The following TMC7 variants were observed in gnomAD, a reference collection of about 807,000 sequenced individuals.
TMC7 encodes the protein transmembrane channel like 7.
TMC7 carries 54 observed loss-of-function variants against 82.9 expected under a neutral mutation model. The ratio of observed to expected loss-of-function variants is 0.65; its 90% CI spans 0.52 to 0.82. The LOEUF is 0.82. TMC7 is among the 40% of genes least tolerant of loss of function. The pLI, the probability that TMC7 is intolerant of heterozygous loss-of-function variation, is 0.00. For missense variants in TMC7, 820 were observed against 901.2 expected (o/e 0.91, Z 1.15); for synonymous variants, 350 against 337.9 (o/e 1.04, Z -0.39).
chr16:19,061,407 C>T (rs1241994734), intron 15 of TMC7, among the ~76,000 whole-genome samples: 1 of 152,192 alleles, frequency 6.6e-6, no homozygotes, highest in Admixed American at 6.5e-5. Flanking sequence ...CCTTGGCCTC[C>T]CAAAGTGCTG....
chr16:19,038,085 G>T, intron 8 of TMC7, 38 bp downstream of exon 8: 3 of 1,582,588 alleles, frequency 1.9e-6, no homozygotes, highest in Non-Finnish European at 2.6e-6. Context: ...ATTATGCCTA[G>T]TGCACTGAAA....
At chr16:18,989,196 G>A (rs2038905196) in intron 1 of TMC7, among the ~76,000 whole-genome samples, 1 of 152,156 alleles carries the variant, frequency 6.6e-6, no homozygotes, top group East Asian at 1.9e-4. Context: ...AAGCCCATTC[G>A]TCCAGGTCAT....
At chr16:19,016,370 G>A (rs961642836) in intron 2 of TMC7, 80 bp from the exon 3 acceptor site, 59 of 1,565,276 alleles carry the variant, frequency 3.8e-5, no homozygotes, top group African/African-American at 1.1e-4. Context: ...GATTACAGGC[G>A]TGAGCTACTG....
intron 1 of TMC7, among the ~76,000 whole-genome samples, chr16:18,989,611 A>G (rs56084697): frequency 0.037 from 5,163 of 138,194 alleles, 306 homozygotes; most frequent in African/African-American, 0.13. Context: ...ACCACATACC[A>G]GGCCCTGGGG....
At chr16:19,047,361 C>T (rs1596788717) in intron 12 of TMC7, 112 bp downstream of exon 12, 8 of 894,844 alleles carry the variant, frequency 8.9e-6, no homozygotes, top group Non-Finnish European at 1.3e-5. Context: ...AAAATTACAT[C>T]CTTTATTTAA....
At chr16:19,006,463 C>T (rs1006476545) in intron 1 of TMC7, among the ~76,000 whole-genome samples, 8 of 152,022 alleles carry the variant, frequency 5.3e-5, no homozygotes, top group Non-Finnish European at 1.0e-4. Context: ...GAATTACAGG[C>T]GTGAGCCACC....
At position 19,015,056 on chromosome 16, in the gene TMC7, C is replaced by T. The variant is rs537364330; in HGVS notation, c.312-1394C>T. Among the ~76,000 whole-genome samples, 16 of 152,080 alleles carry T rather than the reference C, an allele frequency of 1.1e-4. No individual in the cohort carries two copies. The East Asian group carries it at 1.9e-3, about 18-fold the overall frequency. The stretch of plus-strand genomic sequence containing the variant: ...TCGGCCCACTGCAACCTCCGCCTTC[C>T]GGGTTCAAGCGATTCTCCTGCCTCA... On this transcript the variant is annotated intron_variant, in intron 2 of 15. Coordinates refer to ENST00000304381, the MANE Select transcript of TMC7 (RefSeq NM_024847.4).
At chr16:19,046,228 C>G (rs962167126) in intron 11 of TMC7, among the ~76,000 whole-genome samples, 34 of 152,316 alleles carry the variant, frequency 2.2e-4, no homozygotes, top group African/African-American at 7.9e-4. Context: ...CAAACTCCCT[C>G]CCTGCTCCTT....
At chr16:19,038,531 T>C (rs925395874) in intron 8 of TMC7, among the ~76,000 whole-genome samples, 2 of 151,792 alleles carry the variant, frequency 1.3e-5, no homozygotes, top group African/African-American at 4.8e-5. Flanking sequence ...TTGTTTTTGT[T>C]GTTGAGACAG....
At chr16:19,011,746 A>G (rs991589880) in intron 2 of TMC7, among the ~76,000 whole-genome samples, 4 of 151,932 alleles carry the variant, frequency 2.6e-5, no homozygotes, top group Non-Finnish European at 5.9e-5. Context: ...ACAAAATAAC[A>G]CATTGGATGA....
intron 13 of TMC7, among the ~76,000 whole-genome samples, chr16:19,053,922 A>T (rs1961654602): frequency 6.8e-6 from 1 of 146,542 alleles, no homozygotes; most frequent in Non-Finnish European, 1.5e-5. Flanking sequence ...AGCCCAAGTG[A>T]TCCTCCCACC....
At position 19,040,202 on chromosome 16, in the gene TMC7, C is replaced by T. The variant is rs532661196; in HGVS notation, c.1180-87C>T. On this transcript the variant is annotated intron_variant, in intron 8 of 15. Transcript: ENST00000304381. ...ACAAATACGTTTTGTTTGCCCAACA[C>T]ACATAGTTGAGTTCTTTTTTGTTCT... is the stretch of plus-strand genomic sequence containing the variant. 5.0e-6 allele frequency: 6 copies of T among 1,193,694 alleles called. No individual in the cohort carries two copies. In the African/African-American group the frequency reaches 7.7e-5, roughly 15 times the overall value. The allele number at this position is 1,193,694 out of a possible 1,614,324, so 73.9% of individuals were successfully genotyped here.
chr16:19,045,039 C>T, intron 10 of TMC7, 38 bp downstream of exon 10: 1 of 1,469,890 alleles, frequency 6.8e-7, no homozygotes, highest in Non-Finnish European at 9.5e-7. Flanking sequence ...TGGGTGGGTC[C>T]TTCTGGAATA....
chr16:19,022,625 C>T (rs1240096725), intron 4 of TMC7, among the ~76,000 whole-genome samples: 2 of 152,238 alleles, frequency 1.3e-5, no homozygotes, highest in Admixed American at 1.3e-4. Context: ...CGTAAGTCCA[C>T]TCCGTGATGT....
intron 2 of TMC7, among the ~76,000 whole-genome samples, chr16:19,013,556 C>CA (rs1287089570): frequency 6.6e-6 from 1 of 151,240 alleles, no homozygotes; most frequent in Non-Finnish European, 1.5e-5. Flanking sequence ...CTCACTCTGT[C>CA]ACCCAGGCTG....
At chr16:19,033,420 A>C (rs1430712133) in intron 6 of TMC7, 1 of 152,146 alleles carries the variant, frequency 6.6e-6, no homozygotes, top group Non-Finnish European at 1.5e-5. Flanking sequence ...GGTGGCTCAC[A>C]CCTGTAATCC....
chr16:19,036,294 G>A (rs1356066805), intron 7 of TMC7, among the ~76,000 whole-genome samples: 1 of 152,186 alleles, frequency 6.6e-6, no homozygotes, highest in Non-Finnish European at 1.5e-5. Flanking sequence ...CATATCACAA[G>A]GTCAGGAGAT....
At chr16:19,040,162 A>C in intron 8 of TMC7, 127 bp from the exon 9 acceptor site, 2 of 601,942 alleles carry the variant, frequency 3.3e-6, no homozygotes, top group Non-Finnish European at 5.5e-6. Context: ...TTATGCTTAC[A>C]GGCCATGTTG....
chr16:18,991,657 A>T (rs1037433153), intron 1 of TMC7, among the ~76,000 whole-genome samples: 2 of 152,132 alleles, frequency 1.3e-5, no homozygotes, highest in Non-Finnish European at 2.9e-5. Flanking sequence ...ACATATGTAT[A>T]CATGTGCCAT....
Sources: allele counts gnomAD v4.1 joint callset (sites outside exome capture counted in the v4.1 genomes callset), GRCh38; gene constraint gnomAD v4.1.1; transcripts MANE v1.5; gene names NCBI Gene and HGNC (gene_info 2026-07-23, HGNC 2026-07-21).